The following ZNF846 variants were observed in gnomAD, a reference collection of about 807,000 sequenced individuals.
The protein encoded by ZNF846 is zinc finger protein 420 pseudogene.
Under a neutral mutation model 16.0 loss-of-function variants are expected in ZNF846, and 15 were observed. That is an observed-to-expected ratio of 0.94 (90% CI 0.63 to 1.45). The LOEUF is 1.45. Among genes scored for constraint, ZNF846 ranks in the 40% most tolerant of loss-of-function variants. The probability of loss-of-function intolerance (pLI) is 0.00; values close to 1 mark genes in which losing one functional copy is unlikely to be tolerated. For synonymous variants in ZNF846, 229 were observed against 212.0 expected, an observed-to-expected ratio of 1.08 and a Z score of -0.70; for missense variants, 714 against 622.3, an observed-to-expected ratio of 1.15 and a Z score of -1.57.
chr19:9,758,418 T>C (rs1185639194), exon 6 of ZNF846: 1 of 1,603,816 alleles, frequency 6.2e-7, no homozygotes, highest in African/African-American at 1.4e-5. Flanking sequence ...GTCTCCATTG[T>C]GAGATCTTAT....
At chr19:9,761,201 T>TCAAA (rs112582546) in intron 4 of ZNF846, among the ~76,000 whole-genome samples, 40,904 of 150,366 alleles carry the variant, frequency 0.27, 6,564 homozygotes, top group African/African-American at 0.42. Flanking sequence ...AGACTCTGTC[T>TCAAA]CAAACAAACA....
chr19:9,758,566 T>G, exon 6 of ZNF846: 1 of 1,612,850 alleles, frequency 6.2e-7, no homozygotes, highest in Non-Finnish European at 8.5e-7. Context: ...TTAACACACT[T>G]AGGCATTTTC....
intron 1 of ZNF846, among the ~76,000 whole-genome samples, chr19:9,779,864 C>T (rs1208063214): frequency 1.3e-5 from 2 of 151,338 alleles, no homozygotes; most frequent in Admixed American, 6.6e-5. Context: ...TGAGTCACCA[C>T]GCCCGGCCAT....
At chr19:9,759,471 C>T (rs1260375592) in intron 5 of ZNF846, among the ~76,000 whole-genome samples, 2 of 151,440 alleles carry the variant, frequency 1.3e-5, no homozygotes, top group Non-Finnish European at 2.9e-5. Flanking sequence ...GGCATGGTGG[C>T]TCATGCCTGT....
At chr19:9,749,476 C>T (rs1599378585), downstream of ZNF846, among the ~76,000 whole-genome samples, 1 of 152,032 alleles carries the variant, frequency 6.6e-6, no homozygotes, top group Admixed American at 6.6e-5. Flanking sequence ...CCACCCTTAA[C>T]TCTCTTGCAG....
intron 1 of ZNF846, among the ~76,000 whole-genome samples, chr19:9,777,149 GCACACACACA>G (rs113160573): frequency 1.5e-5 from 2 of 131,648 alleles, no homozygotes; most frequent in Non-Finnish European, 3.3e-5. Flanking sequence ...ACACACACAC[GCACACACACA>G]CACACACACA....
chr19:9,756,382 T>TATATATAA (rs1411472302), downstream of ZNF846: 1 of 119,526 alleles, frequency 8.4e-6, no homozygotes, highest in Non-Finnish European at 1.8e-5. Context: ...TATATATATA[T>TATATATAA]ATAAAGACAT....
At chr19:9,784,547 G>A (rs538842585) in intron 1 of ZNF846, among the ~76,000 whole-genome samples, 1 of 152,202 alleles carries the variant, frequency 6.6e-6, no homozygotes, top group Non-Finnish European at 1.5e-5. Flanking sequence ...GCAGGAGACA[G>A]ATGCTTTCCT....
intron 2 of ZNF846, among the ~76,000 whole-genome samples, chr19:9,763,910 T>C (rs2045271174): frequency 6.6e-6 from 1 of 152,200 alleles, no homozygotes; most frequent in Non-Finnish European, 1.5e-5. Context: ...GAATAAAAGA[T>C]GAAATGCTCC....
At chr19:9,769,423 G>T (rs1055364516), upstream of ZNF846, among the ~76,000 whole-genome samples, 4 of 151,880 alleles carry the variant, frequency 2.6e-5, no homozygotes, top group African/African-American at 7.3e-5. Flanking sequence ...TAGAGACAGG[G>T]TCTCTCTTTG....
At chr19:9,754,564 T>C (rs112365860), downstream of ZNF846, among the ~76,000 whole-genome samples, 2,556 of 88,198 alleles carry the variant, frequency 0.029, 63 homozygotes, top group African/African-American at 0.058. Flanking sequence ...GACTCTGTCT[T>C]AAAAAAAAAA....
intron 1 of ZNF846, among the ~76,000 whole-genome samples, chr19:9,783,841 C>T (rs2045530684): frequency 6.6e-6 from 1 of 151,696 alleles, no homozygotes; most frequent in African/African-American, 2.4e-5. Context: ...GGCACAGTGC[C>T]ACTATGCTTG....
chr19:9,784,004 G>A (rs955872875), intron 1 of ZNF846, among the ~76,000 whole-genome samples: 4 of 152,158 alleles, frequency 2.6e-5, no homozygotes, highest in Non-Finnish European at 5.9e-5. Flanking sequence ...CGCCTGGCCA[G>A]ATAATGGTGA....
At chr19:9,762,194 G>T (rs766305499) in intron 3 of ZNF846, 26 bp from the exon 4 acceptor site, 1 of 1,588,326 alleles carries the variant, frequency 6.3e-7, no homozygotes, top group Admixed American at 1.7e-5. Context: ...CACAAAAGAA[G>T]AGGCCCATGC....
In ZNF846 at chr19:9,766,995, TA is replaced by T. The variant is rs1044652609; in HGVS notation, c.-86+1293del. 9.5e-5 allele frequency among the ~76,000 whole-genome samples: 14 copies of T among 147,658 alleles called. No homozygotes were observed. The South Asian group carries it at 1.3e-3, about 13-fold the overall frequency. ...GACTTTAGTTATGCTTTTATTTATT[TA>T]TTTTTTTTTTTGTAGAGATGGGGTC... On this transcript the variant is annotated intron_variant, in intron 1 of 5. Transcript: ENST00000397902.
At chr19:9,766,696 T>C (rs2045320669) in intron 1 of ZNF846, among the ~76,000 whole-genome samples, 1 of 151,690 alleles carries the variant, frequency 6.6e-6, no homozygotes, top group African/African-American at 2.4e-5. Context: ...GCCAACATGG[T>C]GAAACCCATC....
intron 1 of ZNF846, among the ~76,000 whole-genome samples, chr19:9,767,588 C>T (rs547247293): frequency 7.9e-5 from 12 of 152,120 alleles, no homozygotes; most frequent in Non-Finnish European, 1.5e-4. Flanking sequence ...CTACAGATAG[C>T]CTGGGCAACA....
At chr19:9,763,144 C>T in intron 3 of ZNF846, 138 bp downstream of exon 3, 1 of 562,516 alleles carries the variant, frequency 1.8e-6, no homozygotes, top group Non-Finnish European at 2.7e-6. Context: ...GACTGTGTCT[C>T]AAAAAAAAAA....
downstream of ZNF846, among the ~76,000 whole-genome samples, chr19:9,751,668 C>T (rs1464263703): frequency 1.3e-5 from 2 of 152,112 alleles, no homozygotes; most frequent in Non-Finnish European, 2.9e-5. Context: ...CCTCCCCGCC[C>T]TTGTGAATGC....
Sources: allele counts gnomAD v4.1 joint callset (sites outside exome capture counted in the v4.1 genomes callset), GRCh38; gene constraint gnomAD v4.1.1; transcripts MANE v1.5; gene names NCBI Gene and HGNC (gene_info 2026-07-23, HGNC 2026-07-21).